TRIM65: variants seen among roughly 807,000 people sequenced by gnomAD.
TRIM65 encodes E3 ubiquitin-protein ligase TRIM65.
A neutral mutation model predicts 36.1 loss-of-function variants in TRIM65; 46 were observed. That is an observed-to-expected ratio of 1.27 (90% CI 1.01 to 1.63). The LOEUF (loss-of-function observed/expected upper bound fraction) is 1.63, where lower values mean the gene tolerates loss of function less well. Ranked by LOEUF, TRIM65 falls within the 40% of genes most tolerant of loss-of-function variation. The probability of loss-of-function intolerance (pLI) is 0.00; values close to 1 mark genes in which losing one functional copy is unlikely to be tolerated. For synonymous variants in TRIM65, 346 were observed against 313.6 expected (o/e 1.10, Z -1.09); for missense variants, 708 against 696.6 (o/e 1.02, Z -0.18).
downstream of TRIM65, among the ~76,000 whole-genome samples, chr17:75,888,201 A>G (rs1397546989): frequency 6.8e-6 from 1 of 147,098 alleles, no homozygotes; most frequent in African/African-American, 2.5e-5. Flanking sequence ...AAATAAATAA[A>G]TATTAGTCGG....
chr17:75,894,155 T>C (rs59156781), intron 1 of TRIM65, among the ~76,000 whole-genome samples: 167 of 152,232 alleles, frequency 1.1e-3, no homozygotes, highest in Middle Eastern at 3.4e-3. Flanking sequence ...CAGCCACCTC[T>C]GTCTCAGTCC....
chr17:75,882,816 G>A lies in TRIM65; in HGVS notation c.350-2187C>T, dbSNP rs942763010. 1.2e-4 allele frequency among the ~76,000 whole-genome samples: 18 copies of A among 150,246 alleles called. 1 individual carries two copies. Among genetic ancestry groups the A allele is most frequent in the Admixed American group, 5.3e-4 (8 of 15,166 alleles). ...AAATCTCACATATGACTGTCTGGCTGTAGTAGTAGTGCTTGAGAAAAAAAG... is the reference window on the plus strand; with the variant it reads ...AAATCTCACATATGACTGTCTGGCTATAGTAGTAGTGCTTGAGAAAAAAAG... On this transcript the variant is annotated intron_variant, in intron 4 of 4. Transcript: ENST00000591668.
At chr17:75,896,069 T>G (rs1027127312) in intron 1 of TRIM65, among the ~76,000 whole-genome samples, 2 of 152,166 alleles carry the variant, frequency 1.3e-5, no homozygotes, top group African/African-American at 4.8e-5. Context: ...GTTTGTTTAT[T>G]TTCTGAGACG....
At chr17:75,891,600 C>T (rs774165050) in intron 5 of TRIM65, among the ~76,000 whole-genome samples, 16 of 152,208 alleles carry the variant, frequency 1.1e-4, no homozygotes, top group Non-Finnish European at 1.3e-4. Flanking sequence ...TGTCCTTCAA[C>T]GCACACTGGC....
chr17:75,891,394 A>G, intron 5 of TRIM65, 47 bp from the exon 6 acceptor site: 1 of 1,590,596 alleles, frequency 6.3e-7, no homozygotes, highest in Non-Finnish European at 8.6e-7. Flanking sequence ...AGACAGCACA[A>G]CCAGATCTCC....
chr17:75,882,993 C>CAA (rs1215286533), intron 4 of TRIM65, among the ~76,000 whole-genome samples: 1 of 146,870 alleles, frequency 6.8e-6, no homozygotes. Flanking sequence ...AAAAAAAAAA[C>CAA]AAAAACAAAA....
chr17:75,892,573 T>C, intron 2 of TRIM65, 73 bp from the exon 3 acceptor site: 1 of 1,433,014 alleles, frequency 7.0e-7, no homozygotes, highest in Non-Finnish European at 9.6e-7. Context: ...GGGCCAGGGC[T>C]GCCTGCTGGG....
chr17:75,892,530 G>T, intron 2 of TRIM65, 30 bp from the exon 3 acceptor site: 1 of 1,593,552 alleles, frequency 6.3e-7, no homozygotes, highest in South Asian at 1.1e-5. Flanking sequence ...GCTTCAGGGT[G>T]GCCAGGGCCC....
chr17:75,881,221 G>A (rs1599441450), intron 4 of TRIM65, among the ~76,000 whole-genome samples: 1 of 134,068 alleles, frequency 7.5e-6, no homozygotes, highest in African/African-American at 2.8e-5. Flanking sequence ...CGGTGACACA[G>A]CGAGACTCCA....
Position 75,892,782 on chromosome 17 carries a change from C to G in TRIM65, c.483G>C (p.Glu161Asp). 1 of 1,604,592 alleles carries G rather than the reference C, an allele frequency of 6.2e-7. No homozygotes were observed. Among genetic ancestry groups the G allele is most frequent in the Non-Finnish European group, 8.5e-7 (1 of 1,179,910 alleles). ...GGATCTGGCTGCTTTGCTTGCGCAG[C>G]TCTAGTAGCTGGCCTTCGGCCTGGG... ...QATQAEGQLL[E>D]LRKQSSQIQN... Residue 161 changes from glutamate (E) to aspartate (D), a missense_variant, in exon 2 of 6, where the codon GAG becomes GAC. By Grantham distance (45) the Glu-to-Asp change is conservative. Transcript: ENST00000269383.
rs1203479525 is a variant in TRIM65 at position 75,890,961 on chromosome 17, C to A, written c.1372G>T (p.Ala458Ser). 6.4e-7 allele frequency: 1 copy of A among 1,561,468 alleles called. No individual in the cohort carries two copies. The highest frequency in any genetic ancestry group is 2.4e-5 in the East Asian group (1 of 41,416). Residue 458 changes from alanine (A) to serine (S), a missense_variant, in exon 6 of 6, where the codon GCC becomes TCC. Ala to Ser is a moderately conservative substitution (Grantham distance 99). Coordinates refer to ENST00000269383, the MANE Select transcript of TRIM65 (RefSeq NM_173547.4). Reference sequence around the variant, plus strand: ...CTGTAGAAGGTGAGGCAGCCTGAGGCCAGGTCCAAATCCATGCCCAGGAGC... The same window carrying A: ...CTGTAGAAGGTGAGGCAGCCTGAGGACAGGTCCAAATCCATGCCCAGGAGC... ...GRLLGMDLDL[A>S]SGCLTFYSLE...
rs1475911763 is a variant in TRIM65, at chr17:75,890,905, G to A, written c.1428C>T (p.Thr476=). ...GGGGCTGGTTGAAGAGGGCATGGAA[G>A]GTGTACAGGGGCTGGGTCTGGGGCT... ...SLEPQTQPLY[T]FHALFNQPLT... is the part of the protein sequence containing the mutation. Residue 476 remains threonine, a synonymous_variant, in exon 6 of 6, where the codon ACC becomes ACT. Transcript: ENST00000269383. 1.3e-6 allele frequency: 2 copies of A among 1,545,048 alleles called. No individual in the cohort carries two copies. The highest frequency in any genetic ancestry group is 1.7e-6 in the Non-Finnish European group (2 of 1,146,664).
At chr17:75,888,104 C>A (rs1024902436), downstream of TRIM65, among the ~76,000 whole-genome samples, 2 of 150,638 alleles carry the variant, frequency 1.3e-5, no homozygotes, top group East Asian at 2.0e-4. Context: ...TGCAGTGAGC[C>A]GAGATTGAGC....
chr17:75,892,578 G>A (rs1222010988), intron 2 of TRIM65, 78 bp from the exon 3 acceptor site: 28 of 1,396,974 alleles, frequency 2.0e-5, no homozygotes, highest in Non-Finnish European at 9.9e-7. Flanking sequence ...AGGGCTGCCT[G>A]CTGGGCTGAG....
Position 75,896,533 on chromosome 17 carries a change from G to C in TRIM65, c.405C>G (p.Leu135=), listed in dbSNP as rs750329950. ...CCGGCGGATGCGTCACCTCGCGCTT[G>C]AGGCGCTCGGCATCCAGCAGCGCCC... The part of the protein sequence containing the change: ...HERALLDAER[L]KREAQLRASL... The change falls in exon 1 of 6, where the codon CTC becomes CTG. Residue 135 remains leucine, a synonymous_variant. Transcript: ENST00000269383. 32 of 1,346,588 alleles carry C rather than the reference G, an allele frequency of 2.4e-5. No homozygotes were observed. In the South Asian group the frequency reaches 5.1e-4, roughly 22 times the overall value. The allele number at this position is 1,346,588 out of a possible 1,614,324, so 83.4% of individuals were successfully genotyped here.
chr17:75,895,537 A>C (rs1044818425), intron 1 of TRIM65, among the ~76,000 whole-genome samples: 1 of 152,128 alleles, frequency 6.6e-6, no homozygotes, highest in Non-Finnish European at 1.5e-5. Flanking sequence ...CCGCGTGCCC[A>C]GTTCTTTCCC....
downstream of TRIM65, among the ~76,000 whole-genome samples, chr17:75,879,849 G>C (rs1194427720): frequency 6.6e-6 from 1 of 150,712 alleles, no homozygotes; most frequent in East Asian, 1.9e-4. Context: ...TGTCTCCTGG[G>C]TTCAAGCGAT....
intron 4 of TRIM65, among the ~76,000 whole-genome samples, chr17:75,882,472 G>T (rs550545561): frequency 6.6e-6 from 1 of 150,688 alleles, no homozygotes; most frequent in Non-Finnish European, 1.5e-5. Flanking sequence ...GCCTCCCAAA[G>T]TGCTGGGATT....
At chr17:75,887,111 C>T (rs992500754), downstream of TRIM65, among the ~76,000 whole-genome samples, 4 of 145,548 alleles carry the variant, frequency 2.7e-5, no homozygotes, top group African/African-American at 1.0e-4. Flanking sequence ...TTGCATCCTG[C>T]CCTTGCACTC....
Sources: gnomAD v4.1 joint callset for allele counts (sites outside exome capture counted in the v4.1 genomes callset) on GRCh38, gnomAD v4.1.1 for gene constraint, MANE v1.5 for transcripts, NCBI Gene and HGNC (gene_info 2026-07-23, HGNC 2026-07-21) for gene names.